CLUL1: variants seen among roughly 807,000 people sequenced by gnomAD.
The protein encoded by CLUL1 is clusterin-like protein 1.
In CLUL1, 43 loss-of-function variants were observed where a neutral mutation model predicts 49.4. That is an observed-to-expected ratio of 0.87 (90% confidence interval 0.68 to 1.12). The LOEUF (loss-of-function observed/expected upper bound fraction) is 1.12. Among genes scored for constraint, CLUL1 ranks in the 50% most tolerant of loss-of-function variants. CLUL1 has a pLI of 0.00. For missense variants in CLUL1, 486 were observed against 544.4 expected, an observed-to-expected ratio of 0.89 and a Z score of 1.07; for synonymous variants, 192 against 184.9, an observed-to-expected ratio of 1.04 and a Z score of -0.31.
chr18:627,552 T>C, intron 6 of CLUL1, 23 bp downstream of exon 6: 2 of 1,536,974 alleles, frequency 1.3e-6, no homozygotes, highest in South Asian at 1.2e-5. Context: ...AGATTACTTT[T>C]ACTTAGAGGT....
In CLUL1 at chr18:621,743, A is replaced by C. The variant is rs558556521; in HGVS notation, c.255+2382A>C. ...TGTTTGTTAATTAACATGTTACTCC[A>C]ACACTGTAATGAATGAACTGAGATA... On this transcript the variant is annotated intron_variant, in intron 4 of 9. Coordinates refer to ENST00000692774, the MANE Select transcript of CLUL1 (RefSeq NM_001393344.1). Among the ~76,000 whole-genome samples, 4 of 152,308 alleles carry C rather than the reference A, an allele frequency of 2.6e-5. No homozygotes were observed. The East Asian group carries it at 7.7e-4, about 29-fold the overall frequency.
chr18:630,672 C>CTTTTTTTTTTTTTTTTTTTTTTT (rs36222515), intron 6 of CLUL1, among the ~76,000 whole-genome samples: 1 of 61,998 alleles, frequency 1.6e-5, no homozygotes, highest in African/African-American at 7.2e-5. Flanking sequence ...CTACTGACAT[C>CTTTTTTTTTTTTTTTTTTTTTTT]TTTTTTTTTT....
intron 4 of CLUL1, among the ~76,000 whole-genome samples, chr18:624,092 G>A (rs910233572): frequency 7.2e-5 from 11 of 152,138 alleles, no homozygotes; most frequent in Non-Finnish European, 1.0e-4. Context: ...GTGCTGACCC[G>A]TGAGGCACTC....
chr18:648,144 T>C (rs909123588), intron 9 of CLUL1, among the ~76,000 whole-genome samples: 1 of 152,252 alleles, frequency 6.6e-6, no homozygotes, highest in African/African-American at 2.4e-5. Context: ...TCTACAGCGC[T>C]GGTGAGACAC....
At chr18:604,680 A>T (rs1382137627) in intron 1 of CLUL1, among the ~76,000 whole-genome samples, 1 of 152,220 alleles carries the variant, frequency 6.6e-6, no homozygotes, top group African/African-American at 2.4e-5. Context: ...TTTGCTCCTT[A>T]GCTCAGTTAG....
chr18:601,491 A>G (rs541534600), intron 1 of CLUL1, among the ~76,000 whole-genome samples: 1 of 152,284 alleles, frequency 6.6e-6, no homozygotes, highest in East Asian at 1.9e-4. Context: ...TACTAAAAAT[A>G]CAAAAATTAG....
Position 606,686 on chromosome 18 carries a change from A to G in CLUL1, c.-135-292A>G, listed in dbSNP as rs1158453707. ...CCAAAAGGCTATTGGAGTCTTCTCA[A>G]ATGAAAGAGATTTTATCAAAGGCTT... On this transcript the variant is annotated intron_variant, in intron 1 of 9. Transcript: ENST00000692774. The surrounding 1 kb of genome is among the most constrained non-coding windows in gnomAD (Gnocchi z 4.1). Among the ~76,000 whole-genome samples the G allele has an allele frequency of 6.6e-6, 1 of 152,230 alleles. No homozygotes were observed. Among genetic ancestry groups the G allele is most frequent in the Admixed American group, 6.5e-5 (1 of 15,288 alleles).
intron 2 of CLUL1, among the ~76,000 whole-genome samples, chr18:616,144 A>G (rs1342752235): frequency 1.3e-5 from 2 of 152,208 alleles, no homozygotes; most frequent in African/African-American, 4.8e-5. Context: ...TTGTTTTTAA[A>G]TGAATCATTA....
intron 6 of CLUL1, among the ~76,000 whole-genome samples, chr18:629,955 T>G (rs976908340): frequency 6.6e-6 from 1 of 152,200 alleles, no homozygotes; most frequent in Non-Finnish European, 1.5e-5. Context: ...GCCTAATGAC[T>G]TGACACTTTG....
intron 1 of CLUL1, among the ~76,000 whole-genome samples, chr18:597,508 T>C (rs971639456): frequency 4.6e-5 from 7 of 152,074 alleles, no homozygotes; most frequent in African/African-American, 1.7e-4. Flanking sequence ...GGCCGATCAC[T>C]TGAGGTCAGG....
At chr18:619,981 A>G (rs1057496741) in intron 4 of CLUL1, among the ~76,000 whole-genome samples, 3 of 152,070 alleles carry the variant, frequency 2.0e-5, no homozygotes, top group African/African-American at 7.2e-5. Context: ...AAGTGCTGGA[A>G]TTACAGGCAT....
intron 5 of CLUL1, among the ~76,000 whole-genome samples, chr18:626,690 C>G (rs1049298512): frequency 1.3e-5 from 2 of 150,276 alleles, no homozygotes; most frequent in Non-Finnish European, 3.0e-5. Flanking sequence ...AAAACCCTGT[C>G]TGTACTAAAA....
chr18:639,423 T>G (rs1210193047), intron 7 of CLUL1, among the ~76,000 whole-genome samples: 3 of 84,682 alleles, frequency 3.5e-5, no homozygotes, highest in East Asian at 3.9e-4. Flanking sequence ...AGAGCGAGAC[T>G]CCATCTCAAA....
At chr18:641,248 G>A (rs1249045238) in intron 7 of CLUL1, 79 bp from the exon 8 acceptor site, 2 of 1,164,804 alleles carry the variant, frequency 1.7e-6, no homozygotes, top group Non-Finnish European at 2.5e-6. Flanking sequence ...GAATGTAAGG[G>A]CTGGGACTTA....
In CLUL1 at chr18:641,076, T is replaced by C. The variant is rs554045569; in HGVS notation, c.995-251T>C. On this transcript the variant is annotated intron_variant, in intron 7 of 9. Coordinates refer to ENST00000692774, the MANE Select transcript of CLUL1 (RefSeq NM_001393344.1). Reference sequence around the variant, plus strand: ...TAATATAGGTGGTAGGCATGTGGAATTTATAACAAAAGTTCTGTCTCCAGC... The same window carrying C: ...TAATATAGGTGGTAGGCATGTGGAACTTATAACAAAAGTTCTGTCTCCAGC... Among the ~76,000 whole-genome samples the C allele has an allele frequency of 2.0e-5, 3 of 152,332 alleles. No individual in the cohort carries two copies. The East Asian group carries it at 5.8e-4, about 29-fold the overall frequency.
intron 7 of CLUL1, among the ~76,000 whole-genome samples, chr18:639,904 T>C (rs1250431846): frequency 1.3e-5 from 2 of 152,096 alleles, no homozygotes; most frequent in Non-Finnish European, 2.9e-5. Context: ...TAAGAGAGAC[T>C]GGAGTGCTTA....
chr18:616,597 CAT>C (rs2073300534), intron 2 of CLUL1: 2 of 309,500 alleles, frequency 6.5e-6, no homozygotes, highest in Non-Finnish European at 9.4e-6. Flanking sequence ...AATTTTAGAT[CAT>C]AGTTGTAAAT....
chr18:649,888 T>C lies in CLUL1; in HGVS notation c.1398-10T>C. 7.1e-7 allele frequency: 1 copy of C among 1,406,630 alleles called. No individual in the cohort carries two copies. Among genetic ancestry groups the C allele is most frequent in the Non-Finnish European group, 1.0e-6 (1 of 1,001,494 alleles). 87.1% of individuals were successfully genotyped at this position (1,406,630 alleles called of 1,614,324 possible). ...TTTTGATCATTGCTGCCTTTTTTTT[T>C]TTTTTTAAGGTAAGAAGATCTAATG... On this transcript the variant is annotated splice_polypyrimidine_tract_variant and intron_variant, in intron 9 of 9. Transcript: ENST00000692774.
rs1330942173 is a variant in CLUL1, at chr18:607,030, C to T, written c.-83C>T. ...GGAGTTCAGTGGCATGTTCATAGCT[C>T]ACTGAAGCCTCAAATTCCTGGGTTC... On this transcript the variant is annotated 5_prime_UTR_variant, in exon 2 of 10. Coordinates refer to ENST00000692774, the MANE Select transcript of CLUL1 (RefSeq NM_001393344.1). The T allele has an allele frequency of 1.0e-5, 7 of 701,322 alleles. No homozygotes were observed. Among genetic ancestry groups the T allele is most frequent in the South Asian group, 8.9e-5 (6 of 67,434 alleles). 43.4% of individuals were successfully genotyped at this position (701,322 alleles called of 1,614,324 possible). A position where few individuals can be genotyped will look rare whatever the true frequency, so the allele number is the denominator to read the frequency against.
Sources: gnomAD v4.1 joint callset for allele counts (sites outside exome capture counted in the v4.1 genomes callset) on GRCh38, gnomAD v4.1.1 for gene constraint, Gnocchi (gnomAD v3.1) non-coding constraint, MANE v1.5 for transcripts, NCBI Gene and HGNC (gene_info 2026-07-23, HGNC 2026-07-21) for gene names.